HNRNPH3: variants seen among roughly 807,000 people sequenced by gnomAD.
HNRNPH3 encodes heterogeneous nuclear ribonucleoprotein 2H9.
HNRNPH3 carries 7 observed loss-of-function variants against 47.0 expected under a neutral mutation model. That is an observed-to-expected ratio of 0.15 (90% CI 0.08 to 0.28). HNRNPH3 has a LOEUF of 0.28. HNRNPH3 is among the 10% of genes least tolerant of loss of function. The pLI, the probability that HNRNPH3 is intolerant of heterozygous loss-of-function variation, is 1.00. For missense variants in HNRNPH3, 279 were observed against 449.6 expected (o/e 0.62, Z 3.43); for synonymous variants, 120 against 143.2 (o/e 0.84, Z 1.16).
At chr10:68,332,552 T>C (rs971949609) in intron 1 of HNRNPH3, among the ~76,000 whole-genome samples, 1 of 152,182 alleles carries the variant, frequency 6.6e-6, no homozygotes, top group Non-Finnish European at 1.5e-5. Context: ...TTCCCCGCTC[T>C]TTTTACTTTT....
rs919945879 is a variant in HNRNPH3 at position 68,342,293 on chromosome 10, A to C, written c.*239A>C. On this transcript the variant is annotated 3_prime_UTR_variant, in exon 10 of 10. Transcript: ENST00000265866. ...CAAACCACTGATGTTGATACTTTTT[A>C]TATACTAGTTACTCCTAAAGATGTG... 2 of 422,404 alleles carry C rather than the reference A, an allele frequency of 4.7e-6. No homozygotes were observed. The highest frequency in any genetic ancestry group is 2.1e-5 in the African/African-American group (1 of 48,470). The allele number at this position is 422,404 out of a possible 1,614,324, so 26.2% of individuals were successfully genotyped here.
At chr10:68,339,854 A>G (rs910414119) in intron 6 of HNRNPH3, among the ~76,000 whole-genome samples, 2 of 151,720 alleles carry the variant, frequency 1.3e-5, no homozygotes, top group African/African-American at 4.8e-5. Flanking sequence ...AATTAGATCT[A>G]CCTTTAATTC....
At chr10:68,341,933 T>C in intron 9 of HNRNPH3, 45 bp from the exon 10 acceptor site, 3 of 1,600,568 alleles carry the variant, frequency 1.9e-6, no homozygotes, top group Non-Finnish European at 2.6e-6. Context: ...TATTATTTTA[T>C]GCAGATATCT....
At chr10:68,341,396 C>G in intron 7 of HNRNPH3, 87 bp downstream of exon 7, 1 of 1,396,672 alleles carries the variant, frequency 7.2e-7, no homozygotes, top group African/African-American at 1.5e-5. Flanking sequence ...TAACGCTTGG[C>G]AGTTGTTGGG....
Position 68,337,760 on chromosome 10 carries a change from G to GTTTTT in HNRNPH3, c.113-94_113-93insTTTTT. On this transcript the variant is annotated intron_variant, in intron 2 of 9. Transcript: ENST00000265866. This position sits in a 1 kb window ranked among gnomAD's most constrained non-coding sequence, Gnocchi z 4.5. ...AAACTAAGCTTTTTTGTTTTGTTTT[G>GTTTTT]TTTTGTTTAGACTTGTTTTAAATAT... 1 of 1,125,262 alleles carries GTTTTT rather than the reference G, an allele frequency of 8.9e-7. No individual in the cohort carries two copies. Among genetic ancestry groups the GTTTTT allele is most frequent in the Non-Finnish European group, 1.3e-6 (1 of 794,290 alleles). 69.7% of individuals were successfully genotyped at this position (1,125,262 alleles called of 1,614,324 possible). A position where few individuals can be genotyped will look rare whatever the true frequency, so the allele number is the denominator to read the frequency against.
intron 3 of HNRNPH3, 116 bp from the exon 4 acceptor site, chr10:68,338,387 C>T (rs2045646800): frequency 7.2e-6 from 4 of 557,430 alleles, no homozygotes; most frequent in South Asian, 3.0e-5. Flanking sequence ...TGTATTTAGG[C>T]AATTTAAATT....
chr10:68,336,688 C>T (rs2045561697), intron 1 of HNRNPH3: 1 of 152,228 alleles, frequency 6.6e-6, no homozygotes, highest in Admixed American at 6.6e-5. Context: ...AATTGTAGTG[C>T]ATTTAAAAGG....
In HNRNPH3 at chr10:68,341,808, T is replaced by C; in HGVS notation, c.921T>C (p.Asn307=). 6.2e-7 allele frequency: 1 copy of C among 1,611,124 alleles called. No homozygotes were observed. Among genetic ancestry groups the C allele is most frequent in the Non-Finnish European group, 8.5e-7 (1 of 1,178,744 alleles). ...TTGGAAGAATGGGAATGGGGAACAA[T>C]TACAGTGGAGGATATGGTACTCCTG... The part of the protein sequence containing the change: ...GSVGRMGMGN[N]YSGGYGTPDG... The change falls in exon 9 of 10, where the codon AAT becomes AAC. Residue 307 remains asparagine (N), a synonymous_variant. Transcript: ENST00000265866.
intron 1 of HNRNPH3, among the ~76,000 whole-genome samples, chr10:68,335,208 G>T (rs1345968756): frequency 2.0e-5 from 3 of 150,372 alleles, no homozygotes; most frequent in Admixed American, 6.6e-5. Flanking sequence ...TAAGATTTAT[G>T]GGTAAATTAA....
At chr10:68,336,653 T>G (rs2045560116) in intron 1 of HNRNPH3, among the ~76,000 whole-genome samples, 1 of 152,160 alleles carries the variant, frequency 6.6e-6, no homozygotes, top group Non-Finnish European at 1.5e-5. Flanking sequence ...GTGTTGGCCC[T>G]TCAAAGACAG....
Position 68,341,642 on chromosome 10 carries a change from G to C in HNRNPH3, c.833G>C (p.Gly278Ala), listed in dbSNP as rs2045952476. 1 of 1,613,708 alleles carries C rather than the reference G, an allele frequency of 6.2e-7. No individual in the cohort carries two copies. The highest frequency in any genetic ancestry group is 1.7e-5 in the Admixed American group (1 of 59,996). Residue 278 changes from glycine (G) to alanine (A), a missense_variant, in exon 8 of 10, where the codon GGA becomes GCA. Gly to Ala is a moderately conservative substitution (Grantham distance 60). This residue lies in a region of HNRNPH3 where 239 missense variants were observed against 335.8 expected (regional missense o/e 0.71). Transcript: ENST00000265866. ...ACTCCTGGAGGCGGCTCTGGCATGGGAGGTTCTGGAATGGGAGGCTACGGA... is the reference window on the plus strand; with the variant it reads ...ACTCCTGGAGGCGGCTCTGGCATGGCAGGTTCTGGAATGGGAGGCTACGGA... ...NSTPGGGSGMGGSGMGGYGRD... is the reference protein window; with the variant it reads ...NSTPGGGSGMAGSGMGGYGRD...
chr10:68,331,772 C>T (rs2045106575), upstream of HNRNPH3: 1 of 152,354 alleles, frequency 6.6e-6, no homozygotes, highest in African/African-American at 2.4e-5. Flanking sequence ...TACACACTGG[C>T]AGAACTGCCA....
intron 7 of HNRNPH3, 82 bp downstream of exon 7, chr10:68,341,391 C>A: frequency 7.0e-7 from 1 of 1,428,204 alleles, no homozygotes; most frequent in Non-Finnish European, 9.6e-7. Context: ...GTAGGTAACG[C>A]TTGGCAGTTG....
chr10:68,334,486 T>C (rs1463175879), intron 1 of HNRNPH3, among the ~76,000 whole-genome samples: 1 of 152,214 alleles, frequency 6.6e-6, no homozygotes, highest in Non-Finnish European at 1.5e-5. Context: ...TTTAGTACAT[T>C]CACAGCGTTG....
chr10:68,334,835 T>C (rs547897819), intron 1 of HNRNPH3, among the ~76,000 whole-genome samples: 1 of 152,354 alleles, frequency 6.6e-6, no homozygotes, highest in Admixed American at 6.5e-5. Flanking sequence ...AGGTGGATTA[T>C]CCTGAATAAT....
At chr10:68,338,935 T>C in intron 4 of HNRNPH3, 1 of 522,414 alleles carries the variant, frequency 1.9e-6, no homozygotes, top group Non-Finnish European at 3.3e-6. Context: ...AGGATGAAAT[T>C]TAATTTACAT....
chr10:68,338,216 G>A (rs1157407020), intron 3 of HNRNPH3: 2 of 460,984 alleles, frequency 4.3e-6, no homozygotes, highest in African/African-American at 3.9e-5. Context: ...GGATGTTGTT[G>A]ATAAATGCTT....
chr10:68,342,116 G>A lies in HNRNPH3; in HGVS notation c.*62G>A, dbSNP rs970614656. Reference sequence around the variant, plus strand: ...ATCTGGTCTACTAGACTTTCTTACAGATTTAATTTCTTTTGTATTTTAAGA... The same window carrying A: ...ATCTGGTCTACTAGACTTTCTTACAAATTTAATTTCTTTTGTATTTTAAGA... On this transcript the variant is annotated 3_prime_UTR_variant, in exon 10 of 10. Transcript: ENST00000265866. 3.4e-6 allele frequency: 4 copies of A among 1,164,938 alleles called. No homozygotes were observed. The highest frequency in any genetic ancestry group is 4.8e-6 in the Non-Finnish European group (4 of 825,924). The allele number at this position is 1,164,938 out of a possible 1,614,324, so 72.2% of individuals were successfully genotyped here. A position where few individuals can be genotyped will look rare whatever the true frequency, so the allele number is the denominator to read the frequency against.
rs755408717 is a variant in HNRNPH3 at position 68,339,161 on chromosome 10, A to G, written c.458A>G (p.Tyr153Cys). The change falls in exon 5 of 10, where the codon TAT (tyrosine) becomes TGT (cysteine). Residue 153 changes from tyrosine to cysteine, a missense_variant. Around this residue, in one of 2 missense-constraint regions of HNRNPH3, gnomAD observed 239 missense variants for 335.8 expected, o/e 0.71. Coordinates refer to ENST00000265866, the MANE Select transcript of HNRNPH3 (RefSeq NM_012207.3). ...ACAGGTTATGGAGGTTTTGATGACT[A>G]TGGTGGCTATAATAATTACGGCTAT... ...YDGGYGGFDD[Y>C]GGYNNYGYGN... The G allele has an allele frequency of 9.9e-6, 16 of 1,610,084 alleles. No homozygotes were observed. Among genetic ancestry groups the G allele is most frequent in the African/African-American group, 6.7e-5 (5 of 74,860 alleles).
Sources: allele counts gnomAD v4.1 joint callset (sites outside exome capture counted in the v4.1 genomes callset), GRCh38; gene constraint gnomAD v4.1.1; regional missense constraint gnomAD v4.1.1; non-coding constraint Gnocchi (gnomAD v3.1); transcripts MANE v1.5; gene names NCBI Gene and HGNC (gene_info 2026-07-23, HGNC 2026-07-21).